Variants in PTCHD4 observed in about 807,000 individuals in gnomAD.
PTCHD4 encodes the protein patched domain-containing protein 4.
In PTCHD4, 33 loss-of-function variants were observed where a neutral mutation model predicts 58.1. The observed-to-expected ratio is 0.57, with a 90% CI of 0.43 to 0.76. The LOEUF is 0.76. Among genes scored for constraint, PTCHD4 ranks in the 30% least tolerant of loss-of-function variants. The pLI is 0.00. For synonymous variants in PTCHD4, 478 were observed against 409.6 expected (o/e 1.17, Z -2.02); for missense variants, 1,058 against 1,027.1 (o/e 1.03, Z -0.41).
At chr6:47,995,456 C>G (rs1183816131) in intron 4 of PTCHD4, among the ~76,000 whole-genome samples, 1 of 152,102 alleles carries the variant, frequency 6.6e-6, no homozygotes, top group African/African-American at 2.4e-5. Flanking sequence ...GAAAATGAAG[C>G]CTAGTTAGAA....
At chr6:48,060,728 G>C (rs1562032711) in intron 3 of PTCHD4, among the ~76,000 whole-genome samples, 1 of 152,174 alleles carries the variant, frequency 6.6e-6, no homozygotes, top group South Asian at 2.1e-4. Context: ...ACCCACCTCA[G>C]CCTCCCAAAG....
chr6:48,095,887 C>A (rs1368894188), intron 1 of PTCHD4, among the ~76,000 whole-genome samples: 2 of 152,086 alleles, frequency 1.3e-5, no homozygotes, highest in African/African-American at 4.8e-5. Context: ...GATTTTGGAA[C>A]CTAACCTCAT....
rs1763670939 is a variant in PTCHD4, at chr6:47,869,912, A to G, written c.*8391T>C. ...TTAGAGGAATAAGTTGCATATTATA[A>G]TATTCTGTGGGGCATTTAATACTAA... On this transcript the variant is annotated 3_prime_UTR_variant, in exon 5 of 5. Transcript: ENST00000339488. 6.6e-6 allele frequency among the ~76,000 whole-genome samples: 1 copy of G among 151,594 alleles called. No individual in the cohort carries two copies. The highest frequency in any genetic ancestry group is 2.4e-5 in the African/African-American group (1 of 41,384).
At chr6:47,988,023 C>T (rs557569815) in intron 4 of PTCHD4, among the ~76,000 whole-genome samples, 16 of 152,196 alleles carry the variant, frequency 1.1e-4, no homozygotes, top group South Asian at 8.3e-4. Flanking sequence ...GTGATCTGCC[C>T]GCCTTGGCCT....
At chr6:48,096,831 A>G (rs1425382484) in intron 1 of PTCHD4, among the ~76,000 whole-genome samples, 1 of 152,136 alleles carries the variant, frequency 6.6e-6, no homozygotes, top group East Asian at 1.9e-4. Flanking sequence ...GAATAAATAT[A>G]TATTGCATTA....
chr6:48,065,084 T>A (rs1479908139), intron 3 of PTCHD4, among the ~76,000 whole-genome samples: 1 of 152,168 alleles, frequency 6.6e-6, no homozygotes, highest in Non-Finnish European at 1.5e-5. Flanking sequence ...TTATCAGAAG[T>A]TCTAAACCTT....
At chr6:47,898,710 T>A (rs560374727) in intron 4 of PTCHD4, among the ~76,000 whole-genome samples, 3 of 152,276 alleles carry the variant, frequency 2.0e-5, no homozygotes, top group Admixed American at 2.0e-4. Flanking sequence ...TGTAGACGAC[T>A]TCTATTTAAA....
At chr6:47,970,400 A>G (rs1228697883) in intron 4 of PTCHD4, among the ~76,000 whole-genome samples, 1 of 152,176 alleles carries the variant, frequency 6.6e-6, no homozygotes, top group Non-Finnish European at 1.5e-5. Flanking sequence ...GCCTGAACAG[A>G]AGGATGTCAA....
At chr6:48,005,338 T>C (rs1762393271) in intron 4 of PTCHD4, among the ~76,000 whole-genome samples, 1 of 152,160 alleles carries the variant, frequency 6.6e-6, no homozygotes. Flanking sequence ...AGTAAATAAA[T>C]ATTCACTATC....
chr6:47,899,409 G>A (rs1376194283), intron 4 of PTCHD4, among the ~76,000 whole-genome samples: 1 of 152,168 alleles, frequency 6.6e-6, no homozygotes, highest in African/African-American at 2.4e-5. Context: ...AGATGGCTGT[G>A]GGAACAGTAA....
Position 47,901,772 on chromosome 6 carries a change from G to A in PTCHD4, c.899-21836C>T. The stretch of plus-strand genomic sequence containing the variant: ...TGATGGTATTGGTGGTGATGATGAT[G>A]ATGATGACGATGATGATGATTTTAT... On this transcript the variant is annotated intron_variant, in intron 4 of 4. Transcript: ENST00000339488. The A allele has an allele frequency of 4.0e-6, 5 of 1,235,216 alleles. No individual in the cohort carries two copies. The South Asian group carries it at 5.8e-5, about 14-fold the overall frequency. The allele number at this position is 1,235,216 out of a possible 1,614,324, so 76.5% of individuals were successfully genotyped here.
intron 4 of PTCHD4, among the ~76,000 whole-genome samples, chr6:47,973,868 C>T (rs1362771531): frequency 1.3e-5 from 2 of 152,160 alleles, no homozygotes; most frequent in African/African-American, 4.8e-5. Flanking sequence ...CATTATTAAT[C>T]AATTACTTTG....
At chr6:47,947,197 C>A (rs1337551188) in intron 4 of PTCHD4, among the ~76,000 whole-genome samples, 1 of 151,960 alleles carries the variant, frequency 6.6e-6, no homozygotes, top group Non-Finnish European at 1.5e-5. Context: ...CTCAGAAAAG[C>A]TTGAAGTTTA....
At chr6:48,041,658 A>G (rs1763853168) in intron 3 of PTCHD4, among the ~76,000 whole-genome samples, 1 of 152,040 alleles carries the variant, frequency 6.6e-6, no homozygotes, top group South Asian at 2.1e-4. Flanking sequence ...TCAACTCTTC[A>G]AGATTCAGCA....
rs763733920 is a variant in PTCHD4 at position 47,878,997 on chromosome 6, C to T, written c.1838G>A (p.Arg613Lys). 3.7e-5 allele frequency: 60 copies of T among 1,613,204 alleles called. No individual in the cohort carries two copies. The highest frequency in any genetic ancestry group is 4.6e-5 in the Non-Finnish European group (54 of 1,179,774). Residue 613 changes from arginine (R) to lysine (K), a missense_variant, in exon 5 of 5, where the codon AGA becomes AAA. By Grantham distance (26) the Arg-to-Lys change is conservative. Transcript: ENST00000339488. ...TTCTGTGATTTCTTTCTGCTTGTCT[C>T]TGCTAGTCCTGGCCACCAGATACAA... ...SRLYLVARTS[R>K]DKQKEITEVL... is the part of the protein sequence containing the mutation.
chr6:48,085,939 T>C (rs1765255690), intron 1 of PTCHD4, among the ~76,000 whole-genome samples: 1 of 152,090 alleles, frequency 6.6e-6, no homozygotes, highest in Admixed American at 6.6e-5. Context: ...AATTTGACAA[T>C]GAAAGAATCC....
At chr6:48,010,602 T>A (rs922852021) in intron 3 of PTCHD4, among the ~76,000 whole-genome samples, 51 of 152,272 alleles carry the variant, frequency 3.3e-4, no homozygotes, top group African/African-American at 1.2e-3. Flanking sequence ...TTTCTTTTTT[T>A]TTTCTTTAAT....
rs541457014 is a variant in PTCHD4, at chr6:47,965,858, T to G, written c.898+42776A>C. Among the ~76,000 whole-genome samples, 378 of 152,156 alleles carry G rather than the reference T, an allele frequency of 2.5e-3. 1 individual carries two copies. The highest frequency in any genetic ancestry group is 7.9e-3 in the African/African-American group (329 of 41,506). ...TGAACCCGGGAGGCGGGGCTTGCAG[T>G]GAGCTGAGATCCGGCCACTGCACTC... On this transcript the variant is annotated intron_variant, in intron 4 of 4. Coordinates refer to ENST00000339488, the MANE Select transcript of PTCHD4 (RefSeq NM_001384253.1).
At position 48,046,201 on chromosome 6, in the gene PTCHD4, G is replaced by T. The variant is rs533983107; in HGVS notation, c.417+22029C>A. On this transcript the variant is annotated intron_variant, in intron 3 of 4. Coordinates refer to ENST00000339488, the MANE Select transcript of PTCHD4 (RefSeq NM_001384253.1). Reference sequence around the variant, plus strand: ...TAATTTTTAATGTCATTCCTTCATGGTTAAGACCTTTTCATTGTATATTGT... The same window carrying T: ...TAATTTTTAATGTCATTCCTTCATGTTTAAGACCTTTTCATTGTATATTGT... Among the ~76,000 whole-genome samples, 230 of 151,876 alleles carry T rather than the reference G, an allele frequency of 1.5e-3. 1 individual carries two copies. The highest frequency in any genetic ancestry group is 5.4e-3 in the African/African-American group (224 of 41,496).
Sources: allele counts gnomAD v4.1 joint callset (sites outside exome capture counted in the v4.1 genomes callset), GRCh38; gene constraint gnomAD v4.1.1; transcripts MANE v1.5; gene names NCBI Gene and HGNC (gene_info 2026-07-23, HGNC 2026-07-21).